The following FAM20C variants were observed in gnomAD, a reference collection of about 807,000 sequenced individuals.
FAM20C encodes the protein FAM20C golgi associated secretory pathway kinase, also known as extracellular serine/threonine protein kinase FAM20C.
In FAM20C, 40 loss-of-function variants were observed where a neutral mutation model predicts 51.5. That is an observed-to-expected ratio of 0.78 (90% CI 0.60 to 1.01). FAM20C has a LOEUF of 1.01. Ranked by LOEUF, FAM20C falls within the 50% of genes least tolerant of loss-of-function variation. The probability of loss-of-function intolerance (pLI) is 0.00; values close to 1 mark genes in which losing one functional copy is unlikely to be tolerated. For missense variants in FAM20C, 861 were observed against 844.7 expected (o/e 1.02, Z -0.24); for synonymous variants, 406 against 380.6 (o/e 1.07, Z -0.78).
At chr7:235,776 C>T (rs1011833497) in intron 3 of FAM20C, among the ~76,000 whole-genome samples, 1 of 152,186 alleles carries the variant, frequency 6.6e-6, no homozygotes, top group Admixed American at 6.5e-5. Context: ...CCACCTGTCC[C>T]ACTCGCTGGT....
intron 3 of FAM20C, among the ~76,000 whole-genome samples, chr7:245,074 C>T (rs536263057): frequency 1.3e-5 from 2 of 152,324 alleles, no homozygotes; most frequent in Non-Finnish European, 1.5e-5. Flanking sequence ...GTTCGTGTGG[C>T]GATGATGTCG....
intron 5 of FAM20C, among the ~76,000 whole-genome samples, chr7:250,955 C>G (rs922310340): frequency 1.7e-4 from 26 of 152,232 alleles, no homozygotes; most frequent in Non-Finnish European, 2.8e-4. Context: ...CATTGCAGAC[C>G]AAGCTCTCGG....
At chr7:223,697 T>C (rs28583965) in intron 3 of FAM20C, among the ~76,000 whole-genome samples, 52,469 of 152,282 alleles carry the variant, frequency 0.34, 9,624 homozygotes, top group South Asian at 0.52. Flanking sequence ...GAGGGGCCCT[T>C]ACGCGGATGC....
chr7:256,049 GC>G lies in FAM20C; in HGVS notation c.1253+21del, dbSNP rs1788578563. The stretch of plus-strand genomic sequence containing the variant: ...GGCCGAGTGAGTGCGGGGCCGGGGG[GC>G]TGGCGTCCGGCCACCCTACGGCAGA... On this transcript the variant is annotated intron_variant, in intron 6 of 9. Transcript: ENST00000313766. The G allele has an allele frequency of 6.5e-7, 1 of 1,531,162 alleles. No individual in the cohort carries two copies. The highest frequency in any genetic ancestry group is 8.7e-7 in the Non-Finnish European group (1 of 1,144,598). The allele number at this position is 1,531,162 out of a possible 1,614,324, so 94.8% of individuals were successfully genotyped here. A position where few individuals can be genotyped will look rare whatever the true frequency, so the allele number is the denominator to read the frequency against.
chr7:258,529 A>G, intron 8 of FAM20C, 117 bp from the exon 9 acceptor site: 1 of 1,006,548 alleles, frequency 9.9e-7, no homozygotes, highest in Non-Finnish European at 1.5e-6. Context: ...GGCTGGGTGG[A>G]CCCACTGCCT....
At chr7:233,486 C>G (rs1185623318) in intron 3 of FAM20C, among the ~76,000 whole-genome samples, 1 of 152,196 alleles carries the variant, frequency 6.6e-6, no homozygotes, top group Non-Finnish European at 1.5e-5. Flanking sequence ...CAAGCATCCT[C>G]TTCCCAGCCC....
rs953288534 is a variant in FAM20C at position 241,283 on chromosome 7, C to T, written c.864-5132C>T. 1.1e-3 allele frequency among the ~76,000 whole-genome samples: 172 copies of T among 152,238 alleles called. 1 individual carries two copies. Among genetic ancestry groups the T allele is most frequent in the African/African-American group, 3.9e-3 (161 of 41,548 alleles). On this transcript the variant is annotated intron_variant, in intron 3 of 9. Transcript: ENST00000313766. ...AATTCACTGCCTGCTGCCCTCTGCC[C>T]GGGAGCAGAACACAGGGTCAGATGG...
At chr7:257,293 A>T in intron 8 of FAM20C, 2 of 587,396 alleles carry the variant, frequency 3.4e-6, no homozygotes, top group South Asian at 4.0e-5. Flanking sequence ...GGGACCTCCG[A>T]GGCACAGGAA....
At chr7:259,592 T>TCCTC in intron 9 of FAM20C, 139 bp from the exon 10 acceptor site, 1 of 933,376 alleles carries the variant, frequency 1.1e-6, no homozygotes, top group South Asian at 2.0e-5. Flanking sequence ...CTCTGTCTTT[T>TCCTC]TCTCTCTGTC....
chr7:194,964 C>T (rs1785778784), intron 1 of FAM20C, among the ~76,000 whole-genome samples: 1 of 152,252 alleles, frequency 6.6e-6, no homozygotes, highest in African/African-American at 2.4e-5. Flanking sequence ...GCGGCGGGTC[C>T]TCCATGGGAG....
intron 3 of FAM20C, among the ~76,000 whole-genome samples, chr7:224,094 C>T (rs1184224393): frequency 1.4e-5 from 2 of 147,802 alleles, no homozygotes; most frequent in African/African-American, 2.5e-5. Context: ...CGGCGGCTGT[C>T]CCCTGAGCCT....
chr7:249,473 G>A (rs899004230), intron 5 of FAM20C, among the ~76,000 whole-genome samples: 9 of 152,266 alleles, frequency 5.9e-5, no homozygotes, highest in Non-Finnish European at 8.8e-5. Flanking sequence ...GGGCGTGGTG[G>A]CTCACGCCTG....
chr7:212,624 G>A (rs763658192), intron 3 of FAM20C, among the ~76,000 whole-genome samples: 1 of 151,860 alleles, frequency 6.6e-6, no homozygotes, highest in Non-Finnish European at 1.5e-5. Flanking sequence ...GGTGAGGTGG[G>A]GGCCAGCCTG....
chr7:259,791 C>T lies in FAM20C; in HGVS notation c.1566C>T (p.Ser522=). The change falls in exon 10 of 10, where the codon AGC becomes AGT. Residue 522 remains serine (S), a synonymous_variant. Transcript: ENST00000313766. The stretch of plus-strand genomic sequence containing the variant: ...TGGCCAAGGAGGAGTACAAGCTGAG[C>T]CTGCTGATGGCCGAGTCTCTGCGGG... ...QLLAKEEYKL[S]LLMAESLRGD... The T allele has an allele frequency of 6.5e-7, 1 of 1,536,764 alleles. No individual in the cohort carries two copies.
chr7:210,992 C>T (rs560299415), intron 3 of FAM20C, among the ~76,000 whole-genome samples: 2 of 152,142 alleles, frequency 1.3e-5, no homozygotes, highest in East Asian at 3.9e-4. Flanking sequence ...TAGGAGGTGA[C>T]GCTTACCGCT....
intron 2 of FAM20C, among the ~76,000 whole-genome samples, chr7:203,271 G>A (rs959021476): frequency 3.3e-5 from 5 of 152,344 alleles, no homozygotes; most frequent in African/African-American, 4.8e-5. Flanking sequence ...CGTCAGTCCC[G>A]TCCCCAGGAC....
chr7:251,775 C>G (rs1788412314), intron 5 of FAM20C, among the ~76,000 whole-genome samples: 1 of 152,156 alleles, frequency 6.6e-6, no homozygotes, highest in Non-Finnish European at 1.5e-5. Context: ...ACTCCTGGTT[C>G]TGGATATTAG....
chr7:236,092 G>A (rs950830466), intron 3 of FAM20C, among the ~76,000 whole-genome samples: 23,285 of 152,186 alleles, frequency 0.15, 3,963 homozygotes, highest in African/African-American at 0.43. Context: ...CGCTTCGGCC[G>A]AGTTCGTCCC....
In FAM20C at chr7:193,563, C is replaced by CG; in HGVS notation, c.369dup (p.Arg124AlafsTer85). The CG allele has an allele frequency of 1.3e-6, 2 of 1,497,292 alleles. No homozygotes were observed. The highest frequency in any genetic ancestry group is 1.3e-5 in the South Asian group (1 of 78,638). The allele number at this position is 1,497,292 out of a possible 1,614,324, so 92.8% of individuals were successfully genotyped here. On this transcript the variant is annotated frameshift_variant, in exon 1 of 10. Coordinates refer to ENST00000313766, the MANE Select transcript of FAM20C (RefSeq NM_020223.4). LOFTEE classifies it high-confidence loss of function. The stretch of plus-strand genomic sequence containing the variant: ...GGCCGAGCCGGCCGAGCGCGCCTTG[C>CG]GGGGGCGGGATCCCGGCGCCCTAAG...
Sources: allele counts gnomAD v4.1 joint callset (sites outside exome capture counted in the v4.1 genomes callset), GRCh38; gene constraint gnomAD v4.1.1; transcripts MANE v1.5; gene names NCBI Gene and HGNC (gene_info 2026-07-23, HGNC 2026-07-21).